The following SLC45A4 variants were observed in gnomAD, a reference collection of about 807,000 sequenced individuals.
The protein encoded by SLC45A4 is solute carrier family 45 member 4, also known as polyamine-transporter SLC45A4.
Under a neutral mutation model 63.7 loss-of-function variants are expected in SLC45A4, and 32 were observed. That is an observed-to-expected ratio of 0.50 (90% CI 0.38 to 0.67). The LOEUF (loss-of-function observed/expected upper bound fraction) is 0.67, where lower values mean the gene tolerates loss of function less well. SLC45A4 is among the 30% of genes least tolerant of loss of function. The pLI is 0.00. For synonymous variants in SLC45A4, 535 were observed against 510.0 expected, an observed-to-expected ratio of 1.05 and a Z score of -0.66; for missense variants, 1,027 against 1,157.7, an observed-to-expected ratio of 0.89 and a Z score of 1.64.
chr8:141,265,624 G>A (rs1027240142), intron 1 of SLC45A4, among the ~76,000 whole-genome samples: 2 of 152,146 alleles, frequency 1.3e-5, no homozygotes, highest in Admixed American at 6.5e-5. Flanking sequence ...GAGGCATGAC[G>A]TCACACTGAA....
Position 141,263,787 on chromosome 8 carries a change from A to AT in SLC45A4, c.-400-9159_-400-9158insA, listed in dbSNP as rs35515055. ...TCCGTCTCAAAAAAAAAAAAAATAAAAATAATAATAAAAACAAAAAGAGAG... is the reference window on the plus strand; with the variant it reads ...TCCGTCTCAAAAAAAAAAAAAATAAATAATAATAATAAAAACAAAAAGAGAG... On this transcript the variant is annotated intron_variant, in intron 1 of 8. Coordinates refer to ENST00000517878, the MANE Select transcript of SLC45A4 (RefSeq NM_001286646.2). Among the ~76,000 whole-genome samples, 1,136 of 143,834 alleles carry AT rather than the reference A, an allele frequency of 7.9e-3. 28 individuals carry two copies. The highest frequency in any genetic ancestry group is 0.017 in the African/African-American group (658 of 38,934). The allele number at this position is 143,834 out of a possible 152,430, so 94.4% of individuals were successfully genotyped here. A position where few individuals can be genotyped will look rare whatever the true frequency, so the allele number is the denominator to read the frequency against.
intron 1 of SLC45A4, among the ~76,000 whole-genome samples, chr8:141,294,093 C>T (rs1830451781): frequency 6.6e-6 from 1 of 152,158 alleles, no homozygotes; most frequent in African/African-American, 2.4e-5. Context: ...CACCACGCTG[C>T]AGACCAGGAG....
intron 2 of SLC45A4, among the ~76,000 whole-genome samples, chr8:141,233,623 G>A (rs773790740): frequency 3.5e-4 from 54 of 152,340 alleles, no homozygotes; most frequent in Non-Finnish European, 6.3e-4. Flanking sequence ...GGAGGCAGAG[G>A]TTGCAGTGAG....
At chr8:141,240,460 C>T (rs952825161) in intron 2 of SLC45A4, among the ~76,000 whole-genome samples, 2 of 152,208 alleles carry the variant, frequency 1.3e-5, no homozygotes, top group South Asian at 2.1e-4. Context: ...CACATCCCAG[C>T]GGGAAGGGGT....
chr8:141,223,034 C>A (rs2154614113), intron 2 of SLC45A4, among the ~76,000 whole-genome samples: 1 of 152,318 alleles, frequency 6.6e-6, no homozygotes, highest in South Asian at 2.1e-4. Context: ...ACATTGTACA[C>A]TGCCAAAAGC....
chr8:141,247,399 A>G (rs1160157419), intron 2 of SLC45A4, among the ~76,000 whole-genome samples: 3 of 152,182 alleles, frequency 2.0e-5, no homozygotes, highest in Admixed American at 1.3e-4. Context: ...AGGAGAAATT[A>G]AAGACTTAAG....
chr8:141,264,654 G>C lies in SLC45A4; in HGVS notation c.-400-10025C>G, dbSNP rs149271965. On this transcript the variant is annotated intron_variant, in intron 1 of 8. Transcript: ENST00000517878. ...GCCAATATCCTCAGGCTGCTGAGTCGTTCTCTCCAAGAACAACAGCGCTCC... is the reference window on the plus strand; with the variant it reads ...GCCAATATCCTCAGGCTGCTGAGTCCTTCTCTCCAAGAACAACAGCGCTCC... 8.1e-3 allele frequency among the ~76,000 whole-genome samples: 1,228 copies of C among 152,232 alleles called. 5 individuals carry two copies. The highest frequency in any genetic ancestry group is 0.012 in the Non-Finnish European group (809 of 68,020).
At position 141,211,709 on chromosome 8, in the gene SLC45A4, A is replaced by C; in HGVS notation, c.2302-12T>G. ...ATACCTGCAGGCGTCTACAGAGAGG[A>C]AATTTGATAAAAATATTTTAGTCAC... is the stretch of plus-strand genomic sequence containing the variant. On this transcript the variant is annotated splice_polypyrimidine_tract_variant and intron_variant, in intron 8 of 8. Coordinates refer to ENST00000517878, the MANE Select transcript of SLC45A4 (RefSeq NM_001286646.2). 1 of 1,521,090 alleles carries C rather than the reference A, an allele frequency of 6.6e-7. No individual in the cohort carries two copies. Among genetic ancestry groups the C allele is most frequent in the South Asian group, 1.4e-5 (1 of 73,198 alleles). The allele number at this position is 1,521,090 out of a possible 1,614,324, so 94.2% of individuals were successfully genotyped here.
At chr8:141,294,890 C>T (rs1830486477) in intron 1 of SLC45A4, among the ~76,000 whole-genome samples, 1 of 152,200 alleles carries the variant, frequency 6.6e-6, no homozygotes, top group Non-Finnish European at 1.5e-5. Flanking sequence ...TCTGGGGGCT[C>T]CCAGGGCACT....
Position 141,254,430 on chromosome 8 carries a change from G to A in SLC45A4, c.-201C>T, listed in dbSNP as rs926591431. On this transcript the variant is annotated 5_prime_UTR_variant, in exon 2 of 9. Coordinates refer to ENST00000517878, the MANE Select transcript of SLC45A4 (RefSeq NM_001286646.2). The surrounding 1 kb of genome is among the most constrained non-coding windows in gnomAD (Gnocchi z 4.5). ...TATGAGACATGCAGCAACACAGAAC[G>A]ATTTTTGGTTGGATTTTAAACATAT... 1.2e-5 allele frequency: 8 copies of A among 668,684 alleles called. No individual in the cohort carries two copies. The South Asian group carries it at 1.2e-4, about 10-fold the overall frequency. The allele number at this position is 668,684 out of a possible 1,614,324, so 41.4% of individuals were successfully genotyped here. A position where few individuals can be genotyped will look rare whatever the true frequency, so the allele number is the denominator to read the frequency against.
At chr8:141,297,476 C>T (rs1451132549) in intron 1 of SLC45A4, among the ~76,000 whole-genome samples, 1 of 152,266 alleles carries the variant, frequency 6.6e-6, no homozygotes, top group Admixed American at 6.5e-5. Flanking sequence ...CCTATCATCA[C>T]CAGGCAGAAA....
rs1040649529 is a variant in SLC45A4, at chr8:141,256,906, T to C, written c.-400-2277A>G. 1.3e-5 allele frequency: 4 copies of C among 306,952 alleles called. No individual in the cohort carries two copies. Among genetic ancestry groups the C allele is most frequent in the Non-Finnish European group, 2.6e-5 (4 of 153,654 alleles). 19.0% of individuals were successfully genotyped at this position (306,952 alleles called of 1,614,324 possible). A position where few individuals can be genotyped will look rare whatever the true frequency, so the allele number is the denominator to read the frequency against. On this transcript the variant is annotated intron_variant, in intron 1 of 8. Transcript: ENST00000517878. This position sits in a 1 kb window ranked among gnomAD's most constrained non-coding sequence, Gnocchi z 4.3. ...TCTCGCTCTGTTGCCCAGGCTGGAGTGCAGTGGTGTGATCTCGGCTCACTG... is the reference window on the plus strand; with the variant it reads ...TCTCGCTCTGTTGCCCAGGCTGGAGCGCAGTGGTGTGATCTCGGCTCACTG...
chr8:141,270,791 C>A (rs1414782507), intron 1 of SLC45A4, among the ~76,000 whole-genome samples: 1 of 152,102 alleles, frequency 6.6e-6, no homozygotes, highest in East Asian at 1.9e-4. Context: ...GGGCCCTTCC[C>A]CCAGCCCAGG....
Position 141,254,289 on chromosome 8 carries a change from A to G in SLC45A4, c.-60T>C. On this transcript the variant is annotated 5_prime_UTR_variant, in exon 2 of 9. Coordinates refer to ENST00000517878, the MANE Select transcript of SLC45A4 (RefSeq NM_001286646.2). The surrounding 1 kb of genome is among the most constrained non-coding windows in gnomAD (Gnocchi z 4.5). ...CTATCTATATAAATAATGCTTTCAT[A>G]TATCTGTAATGATAAATTAAGACGT... 7.1e-7 allele frequency: 1 copy of G among 1,415,662 alleles called. No individual in the cohort carries two copies. The highest frequency in any genetic ancestry group is 9.3e-7 in the Non-Finnish European group (1 of 1,075,398). The allele number at this position is 1,415,662 out of a possible 1,614,324, so 87.7% of individuals were successfully genotyped here. A position where few individuals can be genotyped will look rare whatever the true frequency, so the allele number is the denominator to read the frequency against.
intron 2 of SLC45A4, among the ~76,000 whole-genome samples, chr8:141,223,872 C>A (rs1826813122): frequency 6.6e-6 from 1 of 152,202 alleles, no homozygotes; most frequent in South Asian, 2.1e-4. Context: ...GACCTGTGAC[C>A]CACAGAGGGC....
At chr8:141,223,361 T>C (rs1826775610) in intron 2 of SLC45A4, among the ~76,000 whole-genome samples, 1 of 152,228 alleles carries the variant, frequency 6.6e-6, no homozygotes, top group Admixed American at 6.5e-5. Flanking sequence ...TCACCGGAAC[T>C]GAGTCCCTGC....
At chr8:141,245,636 GC>G (rs1828152088) in intron 2 of SLC45A4, among the ~76,000 whole-genome samples, 1 of 152,136 alleles carries the variant, frequency 6.6e-6, no homozygotes, top group African/African-American at 2.4e-5. Flanking sequence ...CTCCCAACCT[GC>G]CGCTCAGAGG....
rs1830619012 is a variant in SLC45A4 at position 141,297,941 on chromosome 8, A to G, written c.-401+10155T>C. Among the ~76,000 whole-genome samples the G allele has an allele frequency of 3.3e-5, 5 of 152,250 alleles. No homozygotes were observed. The South Asian group carries it at 1.0e-3, about 32-fold the overall frequency. ...GACATGACACCCAAAATTGCAAAAA[A>G]AAAAACAAAAAACCTTCTCCATGTG... On this transcript the variant is annotated intron_variant, in intron 1 of 8. Transcript: ENST00000517878.
rs528141744 is a variant in SLC45A4, at chr8:141,215,036, G to A, written c.1941+723C>T. Among the ~76,000 whole-genome samples, 2 of 152,336 alleles carry A rather than the reference G, an allele frequency of 1.3e-5. No individual in the cohort carries two copies. Among genetic ancestry groups the A allele is most frequent in the South Asian group, 2.1e-4 (1 of 4,832 alleles). On this transcript the variant is annotated intron_variant, in intron 7 of 8. Coordinates refer to ENST00000517878, the MANE Select transcript of SLC45A4 (RefSeq NM_001286646.2). This position sits in a 1 kb window ranked among gnomAD's most constrained non-coding sequence, Gnocchi z 4.3. ...CACCCAAAGGCTCACAAAGCAGGGT[G>A]CATCTGGCCATACACTGTGACATGA...
Sources: allele counts gnomAD v4.1 joint callset (sites outside exome capture counted in the v4.1 genomes callset), GRCh38; gene constraint gnomAD v4.1.1; non-coding constraint Gnocchi (gnomAD v3.1); transcripts MANE v1.5; gene names NCBI Gene and HGNC (gene_info 2026-07-23, HGNC 2026-07-21).